The following ZNF140 variants were observed in gnomAD, a reference collection of about 807,000 sequenced individuals.
ZNF140 encodes the protein zinc finger protein 140.
In ZNF140, 13 loss-of-function variants were observed where a neutral mutation model predicts 12.9. The observed-to-expected ratio is 1.01, with a 90% CI of 0.66 to 1.60. The LOEUF is 1.60. Ranked by LOEUF, ZNF140 falls within the 40% of genes most tolerant of loss-of-function variation. ZNF140 has a pLI of 0.00. For synonymous variants in ZNF140, 214 were observed against 186.7 expected, an observed-to-expected ratio of 1.15 and a Z score of -1.19; for missense variants, 531 against 548.8, an observed-to-expected ratio of 0.97 and a Z score of 0.32.
intron 4 of ZNF140, among the ~76,000 whole-genome samples, chr12:133,089,509 C>T (rs1954786354): frequency 6.6e-6 from 1 of 152,168 alleles, no homozygotes. Flanking sequence ...CCACCACACG[C>T]AGCCTCATTT....
At chr12:133,096,211 G>A (rs1372844004) in intron 4 of ZNF140, among the ~76,000 whole-genome samples, 1 of 151,950 alleles carries the variant, frequency 6.6e-6, no homozygotes, top group East Asian at 1.9e-4. Context: ...CTAGAGAATG[G>A]CGATGACTTT....
Position 133,096,082 on chromosome 12 carries a change from C to T in ZNF140, c.233-9428C>T, listed in dbSNP as rs1455875950. ...GGCTGGGGGATGGTCAGGTCTTTCT[C>T]ATCCCACGAGGCCATATTTCAGACT... is the stretch of plus-strand genomic sequence containing the variant. On this transcript the variant is annotated intron_variant, in intron 4 of 4. Transcript: ENST00000355557. Among the ~76,000 whole-genome samples, 3 of 151,604 alleles carry T rather than the reference C, an allele frequency of 2.0e-5. No homozygotes were observed. The East Asian group carries it at 5.8e-4, about 29-fold the overall frequency.
At chr12:133,097,857 G>GTGT (rs1566316234) in intron 4 of ZNF140, among the ~76,000 whole-genome samples, 1 of 148,404 alleles carries the variant, frequency 6.7e-6, no homozygotes, top group South Asian at 2.1e-4. Flanking sequence ...GTGTTTTTGA[G>GTGT]ATGAAGTCTT....
chr12:133,100,991 CTG>C (rs1955326915), intron 4 of ZNF140: 2 of 455,052 alleles, frequency 4.4e-6, no homozygotes, highest in East Asian at 7.0e-5. Flanking sequence ...ACAAAGGTAA[CTG>C]AAGTGGTGAA....
chr12:133,098,529 T>C (rs11613627), intron 4 of ZNF140, among the ~76,000 whole-genome samples: 78,235 of 152,000 alleles, frequency 0.51, 20,605 homozygotes, highest in Non-Finnish European at 0.56. Flanking sequence ...CATGAGCCAC[T>C]ATGCCCAGCC....
In ZNF140 at chr12:133,107,155, C is replaced by T. The variant is rs1955628840; in HGVS notation, c.*504C>T. On this transcript the variant is annotated 3_prime_UTR_variant, in exon 5 of 5. Transcript: ENST00000355557. Reference sequence around the variant, plus strand: ...TTTGGGAATGCCTTCATTTACAATGCAATACTTACATTTTAATACTCTTGT... The same window carrying T: ...TTTGGGAATGCCTTCATTTACAATGTAATACTTACATTTTAATACTCTTGT... 6.6e-6 allele frequency: 1 copy of T among 152,618 alleles called. No individual in the cohort carries two copies. Among genetic ancestry groups the T allele is most frequent in the African/African-American group, 2.4e-5 (1 of 41,436 alleles). 9.5% of individuals were successfully genotyped at this position (152,618 alleles called of 1,614,324 possible).
At chr12:133,096,960 C>A (rs1955152438) in intron 4 of ZNF140, among the ~76,000 whole-genome samples, 1 of 152,176 alleles carries the variant, frequency 6.6e-6, no homozygotes, top group Non-Finnish European at 1.5e-5. Context: ...GTTGAAGTCC[C>A]CAAGTGTAAT....
In ZNF140 at chr12:133,083,215, A is replaced by G; in HGVS notation, c.122A>G (p.His41Arg). The G allele has an allele frequency of 6.2e-7, 1 of 1,613,422 alleles. No homozygotes were observed. The highest frequency in any genetic ancestry group is 8.5e-7 in the Non-Finnish European group (1 of 1,179,460). The change falls in exon 3 of 5, where the codon CAT (histidine) becomes CGT (arginine). Residue 41 changes from histidine to arginine, a missense_variant. Coordinates refer to ENST00000355557, the MANE Select transcript of ZNF140 (RefSeq NM_003440.4). The part of the protein sequence containing the change: ...YRCVMLENYG[H>R]LVSLGLSISK... ...TGTGTAATGTTGGAGAACTATGGCCATCTGGTCTCACTGGGTAAGTATTCT... is the reference window on the plus strand; with the variant it reads ...TGTGTAATGTTGGAGAACTATGGCCGTCTGGTCTCACTGGGTAAGTATTCT...
intron 4 of ZNF140, among the ~76,000 whole-genome samples, chr12:133,084,663 G>T (rs1164120329): frequency 6.6e-6 from 1 of 152,214 alleles, no homozygotes; most frequent in African/African-American, 2.4e-5. Context: ...TGCTTCTATA[G>T]CACATGTTTA....
intron 4 of ZNF140, among the ~76,000 whole-genome samples, chr12:133,097,847 GTGTT>G (rs1478086830): frequency 1.7e-4 from 25 of 148,396 alleles, no homozygotes; most frequent in African/African-American, 4.9e-4. Flanking sequence ...GTGTGTGTGT[GTGTT>G]TTTGAGATGA....
chr12:133,090,832 G>A (rs1330437200), intron 4 of ZNF140, among the ~76,000 whole-genome samples: 2 of 129,058 alleles, frequency 1.5e-5, no homozygotes, highest in Non-Finnish European at 3.5e-5. Context: ...TAGGTTTAAG[G>A]GAAGGTACTA....
At chr12:133,105,390 G>A in intron 4 of ZNF140, 120 bp from the exon 5 acceptor site, 5 of 1,039,626 alleles carry the variant, frequency 4.8e-6, no homozygotes, top group Non-Finnish European at 6.8e-6. Flanking sequence ...TCACAGCTGT[G>A]AAAGCTGCTA....
intron 4 of ZNF140, chr12:133,100,898 G>A (rs928871120): frequency 6.2e-5 from 26 of 419,304 alleles, no homozygotes; most frequent in Non-Finnish European, 8.2e-5. Context: ...AGGATGGTGC[G>A]AGACGTCACA....
intron 4 of ZNF140, among the ~76,000 whole-genome samples, chr12:133,086,724 A>T (rs1954689239): frequency 6.6e-6 from 1 of 152,084 alleles, no homozygotes; most frequent in Non-Finnish European, 1.5e-5. Context: ...CTCCTAAGAG[A>T]TTATGATGAA....
At chr12:133,086,765 C>G (rs767037379) in intron 4 of ZNF140, among the ~76,000 whole-genome samples, 46 of 152,174 alleles carry the variant, frequency 3.0e-4, no homozygotes, top group Admixed American at 5.9e-4. Flanking sequence ...TTTAAAAAAG[C>G]CTACTTATTT....
At chr12:133,104,112 AC>A (rs1180886046) in intron 4 of ZNF140, among the ~76,000 whole-genome samples, 9 of 152,212 alleles carry the variant, frequency 5.9e-5, no homozygotes, top group Admixed American at 5.2e-4. Flanking sequence ...CAAAGTGCCA[AC>A]GTATGTTTGA....
chr12:133,093,645 T>C (rs2137530237), intron 4 of ZNF140: 1 of 592,910 alleles, frequency 1.7e-6, no homozygotes, highest in South Asian at 2.0e-5. Flanking sequence ...ATGTGGGCTG[T>C]TCTTTTTACC....
chr12:133,105,611 C>T lies in ZNF140; in HGVS notation c.334C>T (p.Pro112Ser). 1.2e-6 allele frequency: 2 copies of T among 1,614,030 alleles called. No homozygotes were observed. Among genetic ancestry groups the T allele is most frequent in the Non-Finnish European group, 1.7e-6 (2 of 1,180,012 alleles). The change falls in exon 5 of 5, where the codon CCT (proline) becomes TCT (serine). Residue 112 changes from proline to serine, a missense_variant. Pro to Ser is a moderately conservative substitution (Grantham distance 74). Transcript: ENST00000355557. ...CATGGAAAGAATTCTAAGTCAAGGC[C>T]CTGTGTATTCCAGTTTTAAAGGAGG... ...LIMERILSQG[P>S]VYSSFKGGWK...
At chr12:133,094,963 GT>G (rs1459047098) in intron 4 of ZNF140, among the ~76,000 whole-genome samples, 1 of 151,304 alleles carries the variant, frequency 6.6e-6, no homozygotes, top group Non-Finnish European at 1.5e-5. Flanking sequence ...TGAACTTTCT[GT>G]TCCTTTCTTG....
Sources: allele counts gnomAD v4.1 joint callset (sites outside exome capture counted in the v4.1 genomes callset), GRCh38; gene constraint gnomAD v4.1.1; transcripts MANE v1.5; gene names NCBI Gene and HGNC (gene_info 2026-07-23, HGNC 2026-07-21).